UBE4B: variants seen among roughly 807,000 people sequenced by gnomAD.
UBE4B encodes the protein ubiquitin conjugation factor E4 B.
A neutral mutation model predicts 148.1 loss-of-function variants in UBE4B; 27 were observed. The ratio of observed to expected loss-of-function variants is 0.18; its 90% confidence interval spans 0.13 to 0.25. The LOEUF (loss-of-function observed/expected upper bound fraction) is 0.25, where lower values mean the gene tolerates loss of function less well. Ranked by LOEUF, UBE4B falls within the 10% of genes least tolerant of loss-of-function variation. The pLI is 1.00. For missense variants in UBE4B, 1,170 were observed against 1,662.4 expected, an observed-to-expected ratio of 0.70 and a Z score of 5.15; for synonymous variants, 596 against 619.3, an observed-to-expected ratio of 0.96 and a Z score of 0.56.
intron 25 of UBE4B, 126 bp from the exon 26 acceptor site, chr1:10,178,518 T>C (rs1205378469): frequency 5.6e-6 from 5 of 892,568 alleles, no homozygotes; most frequent in Non-Finnish European, 8.3e-6. Flanking sequence ...TAAGTGTATA[T>C]ATAATTTTAG....
In UBE4B at chr1:10,180,067, C is replaced by A. The variant is rs145974529; in HGVS notation, c.*111C>A. ...TGTGTTGGAGGCCAAATGTGGCAAACCAACCCCAGGCCCACCCAGAGCGAG... is the reference window on the plus strand; with the variant it reads ...TGTGTTGGAGGCCAAATGTGGCAAAACAACCCCAGGCCCACCCAGAGCGAG... On this transcript the variant is annotated 3_prime_UTR_variant, in exon 28 of 28. Coordinates refer to ENST00000343090, the MANE Select transcript of UBE4B (RefSeq NM_001105562.3). 102 of 1,425,660 alleles carry A rather than the reference C, an allele frequency of 7.2e-5. No individual in the cohort carries two copies. The East Asian group carries it at 1.1e-3, about 16-fold the overall frequency. The allele number at this position is 1,425,660 out of a possible 1,614,324, so 88.3% of individuals were successfully genotyped here. A position where few individuals can be genotyped will look rare whatever the true frequency, so the allele number is the denominator to read the frequency against.
intron 17 of UBE4B, among the ~76,000 whole-genome samples, chr1:10,140,545 C>G (rs1053084055): frequency 6.6e-6 from 1 of 152,140 alleles, no homozygotes; most frequent in Non-Finnish European, 1.5e-5. Context: ...AAAATTCAAA[C>G]TATGATTGTG....
intron 2 of UBE4B, among the ~76,000 whole-genome samples, chr1:10,090,766 T>A (rs956156911): frequency 3.3e-5 from 5 of 151,154 alleles, no homozygotes; most frequent in African/African-American, 1.2e-4. Context: ...GTGCTCTTTT[T>A]ACGGTGGAAT....
At chr1:10,046,046 T>G (rs1359765761) in intron 1 of UBE4B, among the ~76,000 whole-genome samples, 1 of 152,208 alleles carries the variant, frequency 6.6e-6, no homozygotes, top group African/African-American at 2.4e-5. Context: ...TTGTACCTAC[T>G]TTCCTACCAT....
intron 2 of UBE4B, among the ~76,000 whole-genome samples, chr1:10,094,475 C>G (rs573130408): frequency 2.6e-5 from 4 of 151,536 alleles, no homozygotes; most frequent in Admixed American, 2.6e-4. Flanking sequence ...GCTCTGTTGC[C>G]CAGGCTGGAG....
chr1:10,146,531 A>G (rs1252847831), intron 18 of UBE4B, among the ~76,000 whole-genome samples: 1 of 152,178 alleles, frequency 6.6e-6, no homozygotes, highest in Non-Finnish European at 1.5e-5. Context: ...AATTCTGTCA[A>G]CAGGCCTCTA....
At chr1:10,170,616 C>T (rs1309190506) in intron 24 of UBE4B, among the ~76,000 whole-genome samples, 2 of 152,298 alleles carry the variant, frequency 1.3e-5, no homozygotes, top group Non-Finnish European at 2.9e-5. Flanking sequence ...TAAAACTATT[C>T]AAGGCATAAC....
intron 23 of UBE4B, among the ~76,000 whole-genome samples, chr1:10,166,965 ACAC>A (rs1290284648): frequency 1.5e-5 from 2 of 133,664 alleles, no homozygotes; most frequent in African/African-American, 6.3e-5. Flanking sequence ...ACACACACAC[ACAC>A]ACAAAAAAAA....
intron 2 of UBE4B, among the ~76,000 whole-genome samples, chr1:10,078,564 C>T (rs918610455): frequency 6.6e-6 from 1 of 152,110 alleles, no homozygotes; most frequent in Admixed American, 6.6e-5. Flanking sequence ...AACTTCTTAA[C>T]TGTCTCGGGT....
intron 3 of UBE4B, among the ~76,000 whole-genome samples, chr1:10,095,811 G>A (rs866820293): frequency 6.6e-6 from 1 of 151,934 alleles, no homozygotes; most frequent in Non-Finnish European, 1.5e-5. Context: ...TCACTCTGTC[G>A]CCCAGGCTGG....
chr1:10,155,956 G>A (rs1646062431), intron 21 of UBE4B, among the ~76,000 whole-genome samples: 1 of 151,884 alleles, frequency 6.6e-6, no homozygotes, highest in Non-Finnish European at 1.5e-5. Flanking sequence ...CCGGGACCTG[G>A]GAGGTGGAGG....
chr1:10,059,835 T>C (rs1390453556), intron 1 of UBE4B, among the ~76,000 whole-genome samples: 1 of 152,000 alleles, frequency 6.6e-6, no homozygotes, highest in Non-Finnish European at 1.5e-5. Context: ...TTTCACACAA[T>C]CAGAATGGCA....
rs149936557 is a variant in UBE4B at position 10,124,237 on chromosome 1, C to T, written c.1554+2161C>T. ...AGTGCAGTGGCGCCGTCTCAGCTCACTGCAACTTCCACCTTCTGGGTTCGA... is the reference window on the plus strand; with the variant it reads ...AGTGCAGTGGCGCCGTCTCAGCTCATTGCAACTTCCACCTTCTGGGTTCGA... On this transcript the variant is annotated intron_variant, in intron 10 of 27. Coordinates refer to ENST00000343090, the MANE Select transcript of UBE4B (RefSeq NM_001105562.3). Among the ~76,000 whole-genome samples the T allele has an allele frequency of 4.6e-3, 699 of 152,172 alleles. 3 individuals carry two copies. Among genetic ancestry groups the T allele is most frequent in the Middle Eastern group, 0.01 (3 of 294 alleles).
intron 2 of UBE4B, among the ~76,000 whole-genome samples, chr1:10,091,131 C>G (rs536065231): frequency 6.6e-6 from 1 of 152,214 alleles, no homozygotes; most frequent in Admixed American, 6.5e-5. Context: ...AAGGTTTGTT[C>G]TATAGTTGAT....
intron 2 of UBE4B, among the ~76,000 whole-genome samples, chr1:10,082,592 G>T (rs1644699751): frequency 6.6e-6 from 1 of 151,604 alleles, no homozygotes; most frequent in African/African-American, 2.4e-5. Flanking sequence ...TACCACTGGG[G>T]GTGTGTACAT....
At chr1:10,148,521 A>G (rs549777856) in intron 19 of UBE4B, among the ~76,000 whole-genome samples, 2 of 150,512 alleles carry the variant, frequency 1.3e-5, no homozygotes, top group African/African-American at 4.9e-5. Context: ...AATCCCAGCT[A>G]CTCGGGAGGC....
In UBE4B at chr1:10,181,063, A is replaced by C. The variant is rs966342929; in HGVS notation, c.*1107A>C. On this transcript the variant is annotated 3_prime_UTR_variant, in exon 28 of 28. Transcript: ENST00000343090. ...CCTACTTAACATACTTGAATTCTCA[A>C]ATTTCCTTTGGGGTAAAAAAAAAAA... The C allele has an allele frequency of 1.5e-5, 2 of 136,998 alleles. No homozygotes were observed. The highest frequency in any genetic ancestry group is 3.1e-5 in the Non-Finnish European group (2 of 64,570). 8.5% of individuals were successfully genotyped at this position (136,998 alleles called of 1,614,324 possible).
chr1:10,139,171 G>C (rs543742562), intron 17 of UBE4B, among the ~76,000 whole-genome samples: 1 of 152,200 alleles, frequency 6.6e-6, no homozygotes, highest in African/African-American at 2.4e-5. Flanking sequence ...CGAGGCAGAC[G>C]GATCACCTGA....
chr1:10,159,684 CAAA>C (rs1326564452), intron 22 of UBE4B, among the ~76,000 whole-genome samples: 1 of 151,878 alleles, frequency 6.6e-6, no homozygotes, highest in Non-Finnish European at 1.5e-5. Flanking sequence ...GACTCCGTCT[CAAA>C]TAAATAAATA....
Sources: gnomAD v4.1 joint callset for allele counts (sites outside exome capture counted in the v4.1 genomes callset) on GRCh38, gnomAD v4.1.1 for gene constraint, MANE v1.5 for transcripts, NCBI Gene and HGNC (gene_info 2026-07-23, HGNC 2026-07-21) for gene names.